Variants in LRRIQ3 observed in about 807,000 individuals in gnomAD.
The protein encoded by LRRIQ3 is leucine rich repeats and IQ motif containing 3.
LRRIQ3 carries 75 observed loss-of-function variants against 59.3 expected under a neutral mutation model. The ratio of observed to expected loss-of-function variants is 1.26; its 90% confidence interval spans 1.05 to 1.53. The LOEUF (loss-of-function observed/expected upper bound fraction) is 1.53. LRRIQ3 is among the 40% of genes most tolerant of loss of function. The pLI is 0.00. For missense variants in LRRIQ3, 831 were observed against 710.0 expected, an observed-to-expected ratio of 1.17 and a Z score of -1.94; for synonymous variants, 250 against 231.3, an observed-to-expected ratio of 1.08 and a Z score of -0.73.
intron 4 of LRRIQ3, among the ~76,000 whole-genome samples, chr1:74,123,175 C>T (rs1217496821): frequency 2.0e-5 from 3 of 151,862 alleles, no homozygotes; most frequent in Non-Finnish European, 2.9e-5. Context: ...TTTGTAGGTA[C>T]ATAGGAGGTG....
At position 74,042,146 on chromosome 1, in the gene LRRIQ3, ATTCT is replaced by A. The variant is rs372172031; in HGVS notation, c.998-217_998-214del. Among the ~76,000 whole-genome samples the A allele has an allele frequency of 1.6e-4, 24 of 152,270 alleles. No homozygotes were observed. The East Asian group carries it at 3.3e-3, about 21-fold the overall frequency. ...TTCACATAGAAATGCACTGAATCTA[ATTCT>A]TATATTTTCTGTATTATCTTCCACA... On this transcript the variant is annotated intron_variant, in intron 6 of 7. Transcript: ENST00000354431.
intron 3 of LRRIQ3, among the ~76,000 whole-genome samples, chr1:74,157,960 T>A (rs1168074893): frequency 1.3e-5 from 2 of 152,086 alleles, no homozygotes; most frequent in African/African-American, 4.8e-5. Context: ...TTTCCCAACC[T>A]GCTTTCTCAT....
chr1:74,055,128 C>T (rs981353980), intron 6 of LRRIQ3, among the ~76,000 whole-genome samples: 1 of 144,658 alleles, frequency 6.9e-6, no homozygotes, highest in Non-Finnish European at 1.5e-5. Context: ...CATGTATGCA[C>T]ATACATACAC....
intron 3 of LRRIQ3, chr1:74,181,177 CA>C: frequency 5.8e-6 from 1 of 173,878 alleles, no homozygotes; most frequent in South Asian, 1.4e-4. Context: ...CTGTCCTCTA[CA>C]CTGTGTTCTT....
At chr1:74,088,708 T>C (rs1646359308) in intron 5 of LRRIQ3, among the ~76,000 whole-genome samples, 1 of 151,848 alleles carries the variant, frequency 6.6e-6, no homozygotes, top group Admixed American at 6.6e-5. Context: ...GCTAATACTA[T>C]AAACGCTTAG....
intron 4 of LRRIQ3, among the ~76,000 whole-genome samples, chr1:74,149,523 AC>A (rs1329828455): frequency 6.6e-6 from 1 of 152,158 alleles, no homozygotes; most frequent in African/African-American, 2.4e-5. Flanking sequence ...TAAATTCTTT[AC>A]GTTGGTAATT....
At chr1:74,037,294 A>T in intron 7 of LRRIQ3, among the ~76,000 whole-genome samples, 1 of 152,268 alleles carries the variant, frequency 6.6e-6, no homozygotes, top group South Asian at 2.1e-4. Context: ...AAAGAACCAT[A>T]ACTGCCTCCA....
intron 6 of LRRIQ3, among the ~76,000 whole-genome samples, chr1:74,043,894 T>C (rs971882355): frequency 1.3e-5 from 2 of 152,146 alleles, no homozygotes; most frequent in Non-Finnish European, 2.9e-5. Flanking sequence ...TATCTTATCA[T>C]CATTGGGCCT....
At chr1:74,091,924 A>G (rs1488089903) in intron 5 of LRRIQ3, among the ~76,000 whole-genome samples, 2 of 152,104 alleles carry the variant, frequency 1.3e-5, no homozygotes, top group African/African-American at 2.4e-5. Context: ...TTCATAATAG[A>G]ATCTCTGATT....
At position 74,121,187 on chromosome 1, in the gene LRRIQ3, T is replaced by C. The variant is rs1646849748; in HGVS notation, c.708-11634A>G. Among the ~76,000 whole-genome samples, 3 of 152,294 alleles carry C rather than the reference T, an allele frequency of 2.0e-5. No individual in the cohort carries two copies. The South Asian group carries it at 6.2e-4, about 32-fold the overall frequency. ...CTTTGTCAATGTTCATTCATTATTT[T>C]ATTGTTTGCTTATTGGTCTACAGAG... On this transcript the variant is annotated intron_variant, in intron 4 of 7. Coordinates refer to ENST00000354431, the MANE Select transcript of LRRIQ3 (RefSeq NM_001105659.2).
intron 4 of LRRIQ3, among the ~76,000 whole-genome samples, chr1:74,153,634 AAC>A (rs1648120231): frequency 6.6e-6 from 1 of 152,206 alleles, no homozygotes; most frequent in Admixed American, 6.5e-5. Flanking sequence ...CAGAGTGGAA[AAC>A]AGAGATACAG....
intron 4 of LRRIQ3, among the ~76,000 whole-genome samples, chr1:74,128,897 T>C (rs1426365844): frequency 6.6e-6 from 1 of 152,086 alleles, no homozygotes; most frequent in Non-Finnish European, 1.5e-5. Flanking sequence ...CTTGGATAGT[T>C]CTGGAAGAAT....
At chr1:74,140,318 G>A (rs1647210486) in intron 4 of LRRIQ3, among the ~76,000 whole-genome samples, 1 of 151,782 alleles carries the variant, frequency 6.6e-6, no homozygotes, top group South Asian at 2.1e-4. Flanking sequence ...ATTACTAGAT[G>A]AATTGAGAGT....
At chr1:74,087,921 AC>A (rs1646347125) in intron 5 of LRRIQ3, among the ~76,000 whole-genome samples, 1 of 151,854 alleles carries the variant, frequency 6.6e-6, no homozygotes, top group South Asian at 2.1e-4. Context: ...ATACGGTGAA[AC>A]CCTGTCTCTA....
At chr1:74,084,278 T>C in intron 5 of LRRIQ3, 1 of 1,465,024 alleles carries the variant, frequency 6.8e-7, no homozygotes, top group African/African-American at 1.4e-5. Flanking sequence ...TCTTGAGGTG[T>C]ACCATTAGTT....
chr1:74,035,919 C>T (rs1653856586), intron 7 of LRRIQ3, among the ~76,000 whole-genome samples: 1 of 152,152 alleles, frequency 6.6e-6, no homozygotes, highest in Non-Finnish European at 1.5e-5. Flanking sequence ...CTCCTCTCAC[C>T]TCTCTGCTTT....
intron 4 of LRRIQ3, among the ~76,000 whole-genome samples, chr1:74,148,764 T>C (rs1647737061): frequency 6.6e-6 from 1 of 152,180 alleles, no homozygotes; most frequent in Non-Finnish European, 1.5e-5. Context: ...TCCTGCAACA[T>C]AACATGACCA....
chr1:74,131,287 A>G (rs1195335397), intron 4 of LRRIQ3, among the ~76,000 whole-genome samples: 1 of 152,172 alleles, frequency 6.6e-6, no homozygotes, highest in Admixed American at 6.6e-5. Context: ...GCCGAATTCT[A>G]CTAGACGTAC....
intron 6 of LRRIQ3, among the ~76,000 whole-genome samples, chr1:74,044,973 C>T (rs775350795): frequency 6.6e-6 from 1 of 152,078 alleles, no homozygotes; most frequent in Non-Finnish European, 1.5e-5. Flanking sequence ...TAATTAATAG[C>T]CTACCAACCA....
Sources: allele counts gnomAD v4.1 joint callset (sites outside exome capture counted in the v4.1 genomes callset), GRCh38; gene constraint gnomAD v4.1.1; transcripts MANE v1.5; gene names NCBI Gene and HGNC (gene_info 2026-07-23, HGNC 2026-07-21).